TFEC: variants seen among roughly 807,000 people sequenced by gnomAD.
TFEC encodes transcription factor EC, also known as class E basic helix-loop-helix protein 34.
Under a neutral mutation model 41.6 loss-of-function variants are expected in TFEC, and 31 were observed. That is an observed-to-expected ratio of 0.74 (90% CI 0.56 to 1.01). The LOEUF is 1.01. Among genes scored for constraint, TFEC ranks in the 50% least tolerant of loss-of-function variants. The probability of loss-of-function intolerance (pLI) is 0.00; values close to 1 mark genes in which losing one functional copy is unlikely to be tolerated. For synonymous variants in TFEC, 143 were observed against 140.6 expected, an observed-to-expected ratio of 1.02 and a Z score of -0.12; for missense variants, 402 against 404.1, an observed-to-expected ratio of 0.99 and a Z score of 0.04.
chr7:115,998,616 T>A, intron 1 of TFEC, among the ~76,000 whole-genome samples: 1 of 149,748 alleles, frequency 6.7e-6, no homozygotes, highest in African/African-American at 2.5e-5. Context: ...ACACATAGAA[T>A]GAAAAGAAAG....
At chr7:116,140,840 T>C (rs1228963456) in intron 1 of TFEC, among the ~76,000 whole-genome samples, 2 of 152,202 alleles carry the variant, frequency 1.3e-5, no homozygotes, top group Non-Finnish European at 2.9e-5. Context: ...AACTAACACA[T>C]CCATGAGACA....
At chr7:115,995,272 C>A (rs1794313754) in intron 1 of TFEC, among the ~76,000 whole-genome samples, 1 of 151,412 alleles carries the variant, frequency 6.6e-6, no homozygotes, top group Admixed American at 6.6e-5. Flanking sequence ...TGCCGCACAC[C>A]AACATGGCAC....
At chr7:116,104,566 G>A (rs1797674140) in intron 3 of TFEC, among the ~76,000 whole-genome samples, 1 of 151,986 alleles carries the variant, frequency 6.6e-6, no homozygotes, top group Non-Finnish European at 1.5e-5. Context: ...GAACTCTGGG[G>A]GAAAATGTTT....
At chr7:116,118,126 A>G (rs764625373) in intron 1 of TFEC, among the ~76,000 whole-genome samples, 2 of 151,848 alleles carry the variant, frequency 1.3e-5, no homozygotes, top group Non-Finnish European at 2.9e-5. Context: ...ATGGCATGCC[A>G]AAGTTATGGC....
At chr7:116,011,623 T>C (rs1396766580) in intron 1 of TFEC, among the ~76,000 whole-genome samples, 1 of 152,188 alleles carries the variant, frequency 6.6e-6, no homozygotes, top group East Asian at 1.9e-4. Context: ...GTTATATTAC[T>C]AAGCATATTT....
At chr7:116,039,431 GTGTGTGTGTGTGTGTGTGTC>G (rs1469184883) in intron 3 of TFEC, among the ~76,000 whole-genome samples, 1 of 101,898 alleles carries the variant, frequency 9.8e-6, no homozygotes, top group Non-Finnish European at 2.2e-5. Context: ...CTGTGTGTGT[GTGTGTGTGTGTGTGTGTGTC>G]TGTGTGTGTG....
chr7:116,062,546 A>C (rs1796588093), intron 3 of TFEC, among the ~76,000 whole-genome samples: 1 of 131,346 alleles, frequency 7.6e-6, no homozygotes, highest in African/African-American at 2.8e-5. Context: ...TCCTTTTTAT[A>C]GCTGAGTAGT....
chr7:116,117,121 T>TG (rs2116167077), intron 1 of TFEC, among the ~76,000 whole-genome samples: 1 of 151,946 alleles, frequency 6.6e-6, no homozygotes, highest in Non-Finnish European at 1.5e-5. Flanking sequence ...TTAATTATGG[T>TG]GGAAACCTAT....
chr7:116,109,574 G>A (rs528642325), intron 3 of TFEC, among the ~76,000 whole-genome samples: 7 of 152,160 alleles, frequency 4.6e-5, no homozygotes, highest in South Asian at 2.1e-4. Flanking sequence ...GTCAGGAAAC[G>A]ACAGATGCTG....
chr7:115,979,660 T>A (rs867514145), intron 2 of TFEC, among the ~76,000 whole-genome samples: 5 of 152,168 alleles, frequency 3.3e-5, no homozygotes. Flanking sequence ...AGTTAACTCA[T>A]CATCACTTTC....
At chr7:116,071,736 C>T (rs1333619663) in intron 3 of TFEC, among the ~76,000 whole-genome samples, 1 of 151,258 alleles carries the variant, frequency 6.6e-6, no homozygotes, top group East Asian at 1.9e-4. Context: ...CTTATGAATG[C>T]TCACAACTTC....
intron 1 of TFEC, among the ~76,000 whole-genome samples, chr7:116,118,806 G>A (rs1798048448): frequency 6.6e-6 from 1 of 151,828 alleles, no homozygotes; most frequent in Non-Finnish European, 1.5e-5. Context: ...ACATCTGTGA[G>A]TTATCCAAGG....
chr7:115,943,556 A>T (rs1026247636), intron 6 of TFEC, among the ~76,000 whole-genome samples: 3 of 149,706 alleles, frequency 2.0e-5, no homozygotes, highest in African/African-American at 4.8e-5. Flanking sequence ...ACTTACAATA[A>T]TTTTTTTAAG....
intron 3 of TFEC, among the ~76,000 whole-genome samples, chr7:116,044,239 C>A (rs1216348882): frequency 6.6e-6 from 1 of 152,034 alleles, no homozygotes; most frequent in Admixed American, 6.6e-5. Context: ...CTATGCATAT[C>A]CTTCGTCATG....
intron 1 of TFEC, among the ~76,000 whole-genome samples, chr7:116,142,943 C>T (rs182571547): frequency 1.3e-5 from 2 of 152,090 alleles, no homozygotes; most frequent in African/African-American, 4.8e-5. Context: ...TTTATAGAAC[C>T]CTCTGAGTTT....
chr7:116,060,883 TAAAC>T (rs1035050704), intron 3 of TFEC, among the ~76,000 whole-genome samples: 1 of 142,490 alleles, frequency 7.0e-6, no homozygotes, highest in Non-Finnish European at 1.5e-5. Context: ...AATAAATAAA[TAAAC>T]AACTTCAAGA....
chr7:116,071,120 A>T (rs1393127844), intron 3 of TFEC, among the ~76,000 whole-genome samples: 1 of 151,420 alleles, frequency 6.6e-6, no homozygotes, highest in East Asian at 1.9e-4. Context: ...ACGATTTTTA[A>T]AATGAGATAT....
rs185553287 is a variant in TFEC at position 116,111,797 on chromosome 7, T to G, written c.-22+195A>C. Among the ~76,000 whole-genome samples, 406 of 152,160 alleles carry G rather than the reference T, an allele frequency of 2.7e-3. 1 individual carries two copies. The highest frequency in any genetic ancestry group is 4.8e-3 in the Non-Finnish European group (327 of 67,964). ...TAACACTAATGTGAAGTAACTGGAA[T>G]AAACAGACCCAACCCCCAAGGAATT... On this transcript the variant is annotated intron_variant, in intron 2 of 8. Coordinates refer to the TFEC transcript ENST00000484212.
intron 7 of TFEC, chr7:115,941,132 CT>C (rs1398024345): frequency 9.1e-5 from 51 of 559,246 alleles, no homozygotes; most frequent in East Asian, 1.6e-4. Flanking sequence ...ATTACTCAGA[CT>C]TTTTTTTAAG....
Sources: allele counts gnomAD v4.1 joint callset (sites outside exome capture counted in the v4.1 genomes callset), GRCh38; gene constraint gnomAD v4.1.1; transcripts MANE v1.5; gene names NCBI Gene and HGNC (gene_info 2026-07-23, HGNC 2026-07-21).